The following GALNT17 variants were observed in gnomAD, a reference collection of about 807,000 sequenced individuals.
GALNT17 encodes polypeptide N-acetylgalactosaminyltransferase 17.
In GALNT17, 29 loss-of-function variants were observed where a neutral mutation model predicts 63.7. The observed-to-expected ratio is 0.46, with a 90% confidence interval of 0.34 to 0.62. GALNT17 has a LOEUF of 0.62. GALNT17 is among the 20% of genes least tolerant of loss of function. GALNT17 has a pLI of 0.01. For synonymous variants in GALNT17, 305 were observed against 318.3 expected (o/e 0.96, Z 0.45); for missense variants, 603 against 799.6 (o/e 0.75, Z 2.97).
chr7:71,368,785 G>A (rs973530667), intron 2 of GALNT17, among the ~76,000 whole-genome samples: 2 of 152,020 alleles, frequency 1.3e-5, no homozygotes, highest in Non-Finnish European at 2.9e-5. Context: ...AGACATACTT[G>A]TTCTTCGGTG....
At chr7:71,397,440 G>C (rs1037258805) in intron 3 of GALNT17, among the ~76,000 whole-genome samples, 1 of 152,102 alleles carries the variant, frequency 6.6e-6, no homozygotes, top group South Asian at 2.1e-4. Context: ...AGAGATACGA[G>C]ATATGATACA....
chr7:71,529,134 C>T (rs1472969448), intron 5 of GALNT17, among the ~76,000 whole-genome samples: 1 of 151,356 alleles, frequency 6.6e-6, no homozygotes, highest in Non-Finnish European at 1.5e-5. Flanking sequence ...GACTCTGTCT[C>T]AATTAAAAAT....
chr7:71,445,173 T>TA (rs1449507030), intron 5 of GALNT17, among the ~76,000 whole-genome samples: 1 of 148,892 alleles, frequency 6.7e-6, no homozygotes, highest in African/African-American at 2.5e-5. Flanking sequence ...TTTTTTTTCT[T>TA]TCTTTCTTTT....
chr7:71,328,846 T>C (rs1369158053), intron 1 of GALNT17, among the ~76,000 whole-genome samples: 2 of 152,060 alleles, frequency 1.3e-5, no homozygotes, highest in Non-Finnish European at 2.9e-5. Flanking sequence ...AAAAATCTCA[T>C]TGGGACCATC....
chr7:71,516,354 G>A (rs540685241), intron 5 of GALNT17, among the ~76,000 whole-genome samples: 3 of 152,184 alleles, frequency 2.0e-5, no homozygotes, highest in Non-Finnish European at 4.4e-5. Context: ...ATTAGTAGCA[G>A]ACAAAGATTA....
chr7:71,705,077 C>G (rs962303208), intron 9 of GALNT17, among the ~76,000 whole-genome samples: 1 of 152,044 alleles, frequency 6.6e-6, no homozygotes, highest in Admixed American at 6.6e-5. Flanking sequence ...TGAAAAACAA[C>G]CCACAGAATG....
intron 1 of GALNT17, among the ~76,000 whole-genome samples, chr7:71,151,703 G>C (rs1788138764): frequency 1.3e-5 from 2 of 151,922 alleles, no homozygotes; most frequent in Admixed American, 6.6e-5. Context: ...ATGATGGAAT[G>C]ATTATAATCA....
intron 1 of GALNT17, among the ~76,000 whole-genome samples, chr7:71,332,026 T>G (rs928108351): frequency 6.6e-6 from 1 of 152,218 alleles, no homozygotes; most frequent in Non-Finnish European, 1.5e-5. Flanking sequence ...GCAGAATGAC[T>G]TTTGTGGGCC....
intron 1 of GALNT17, among the ~76,000 whole-genome samples, chr7:71,235,830 T>C (rs888565343): frequency 2.0e-5 from 3 of 152,192 alleles, no homozygotes; most frequent in African/African-American, 7.2e-5. Context: ...CTCCACTCCT[T>C]CTTCCTTCCA....
chr7:71,380,609 C>A (rs936332231), intron 2 of GALNT17, among the ~76,000 whole-genome samples: 2 of 152,134 alleles, frequency 1.3e-5, no homozygotes, highest in Non-Finnish European at 1.5e-5. Context: ...GCATGAGCCA[C>A]CGCACCAACC....
chr7:71,580,242 G>T (rs1043572274), intron 6 of GALNT17, among the ~76,000 whole-genome samples: 1 of 151,928 alleles, frequency 6.6e-6, no homozygotes, highest in Non-Finnish European at 1.5e-5. Flanking sequence ...TGATTATATA[G>T]ACAGATAAAT....
intron 1 of GALNT17, among the ~76,000 whole-genome samples, chr7:71,240,758 G>A (rs112886961): frequency 0.038 from 5,762 of 151,018 alleles, 350 homozygotes; most frequent in African/African-American, 0.13. Flanking sequence ...TCCGCCCCCC[G>A]GGTTCACGCC....
chr7:71,585,914 C>CTTT (rs35569879), intron 6 of GALNT17, among the ~76,000 whole-genome samples: 2,339 of 137,962 alleles, frequency 0.017, 29 homozygotes, highest in Middle Eastern at 0.07. Flanking sequence ...TTCCTGATTT[C>CTTT]TTTTTTTTTT....
intron 2 of GALNT17, among the ~76,000 whole-genome samples, chr7:71,347,067 G>A (rs1792109388): frequency 6.6e-6 from 1 of 152,170 alleles, no homozygotes; most frequent in South Asian, 2.1e-4. Flanking sequence ...GCAATGGGAT[G>A]GAAGAGTGGA....
chr7:71,473,773 A>G (rs181005778), intron 5 of GALNT17, among the ~76,000 whole-genome samples: 3 of 152,304 alleles, frequency 2.0e-5, no homozygotes, highest in Admixed American at 6.5e-5. Context: ...CTAACCTGTC[A>G]GGGACTCAAT....
intron 1 of GALNT17, among the ~76,000 whole-genome samples, chr7:71,235,774 G>C (rs374515329): frequency 6.6e-6 from 1 of 152,254 alleles, no homozygotes; most frequent in Non-Finnish European, 1.5e-5. Flanking sequence ...CATGAGGAAG[G>C]GGGTGCCCTT....
intron 5 of GALNT17, among the ~76,000 whole-genome samples, chr7:71,491,315 G>A (rs1788003400): frequency 6.6e-6 from 1 of 152,202 alleles, no homozygotes; most frequent in African/African-American, 2.4e-5. Context: ...GGCAGTGACG[G>A]GGTAGGAGTG....
chr7:71,709,591 T>G (rs13307743), intron 9 of GALNT17, among the ~76,000 whole-genome samples: 6 of 144,246 alleles, frequency 4.2e-5, no homozygotes, highest in Admixed American at 1.4e-4. Context: ...TTTTTTTTTG[T>G]TTTTTTGGTT....
At chr7:71,150,799 T>C (rs1405278259) in intron 1 of GALNT17, among the ~76,000 whole-genome samples, 2 of 151,906 alleles carry the variant, frequency 1.3e-5, no homozygotes, top group Admixed American at 1.3e-4. Flanking sequence ...CTTCTCTCTT[T>C]ACCTTTCAAT....
Sources: allele counts gnomAD v4.1 joint callset (sites outside exome capture counted in the v4.1 genomes callset), GRCh38; gene constraint gnomAD v4.1.1; transcripts MANE v1.5; gene names NCBI Gene and HGNC (gene_info 2026-07-23, HGNC 2026-07-21).